KSR2: variants seen among roughly 807,000 people sequenced by gnomAD.
KSR2 encodes kinase suppressor of ras 2.
A neutral mutation model predicts 107.8 loss-of-function variants in KSR2; 25 were observed. The ratio of observed to expected loss-of-function variants is 0.23; its 90% CI spans 0.17 to 0.32. The LOEUF is 0.32. KSR2 is among the 10% of genes least tolerant of loss of function. The pLI is 1.00. For synonymous variants in KSR2, 480 were observed against 507.0 expected, an observed-to-expected ratio of 0.95 and a Z score of 0.71; for missense variants, 887 against 1,268.9, an observed-to-expected ratio of 0.70 and a Z score of 4.57.
intron 1 of KSR2, among the ~76,000 whole-genome samples, chr12:117,915,190 C>A (rs1258119785): frequency 3.9e-5 from 6 of 152,196 alleles, no homozygotes; most frequent in African/African-American, 1.4e-4. Context: ...TTATAAACAA[C>A]AGAAATTTAT....
chr12:117,511,207 T>C (rs546243274), intron 14 of KSR2, among the ~76,000 whole-genome samples: 2 of 152,392 alleles, frequency 1.3e-5, no homozygotes, highest in Admixed American at 1.3e-4. Flanking sequence ...ACTCGGCTTC[T>C]GTTTCCTGAT....
intron 3 of KSR2, 70 bp downstream of exon 3, chr12:117,855,358 G>T: frequency 6.4e-7 from 1 of 1,565,924 alleles, no homozygotes; most frequent in Non-Finnish European, 8.7e-7. Flanking sequence ...GGCGGGCACG[G>T]GATGCCGAGG....
chr12:117,903,991 T>G (rs1009226836), intron 1 of KSR2, among the ~76,000 whole-genome samples: 1 of 152,094 alleles, frequency 6.6e-6, no homozygotes, highest in African/African-American at 2.4e-5. Flanking sequence ...AGAGCAAGAC[T>G]ACATCTCAAA....
chr12:117,940,591 C>T (rs1183360634), intron 1 of KSR2, among the ~76,000 whole-genome samples: 1 of 152,118 alleles, frequency 6.6e-6, no homozygotes, highest in Non-Finnish European at 1.5e-5. Context: ...AAACCTTTTG[C>T]CACTTTTCAC....
At chr12:117,797,467 C>T (rs1890672169) in intron 3 of KSR2, among the ~76,000 whole-genome samples, 1 of 152,048 alleles carries the variant, frequency 6.6e-6, no homozygotes, top group South Asian at 2.1e-4. Flanking sequence ...AGGGTAGTTG[C>T]CAGAGACTGT....
intron 4 of KSR2, among the ~76,000 whole-genome samples, chr12:117,716,253 A>G (rs1007551522): frequency 7.9e-5 from 12 of 152,246 alleles, no homozygotes; most frequent in Non-Finnish European, 1.6e-4. Flanking sequence ...TATGCTCAAT[A>G]AATAGTTATT....
intron 1 of KSR2, among the ~76,000 whole-genome samples, chr12:117,923,542 G>A (rs1476854466): frequency 1.3e-5 from 2 of 152,130 alleles, no homozygotes; most frequent in Non-Finnish European, 2.9e-5. Flanking sequence ...GCACATGCCA[G>A]CAGTCCCAAC....
At chr12:117,675,313 C>G (rs760923611) in intron 4 of KSR2, among the ~76,000 whole-genome samples, 23 of 152,294 alleles carry the variant, frequency 1.5e-4, no homozygotes, top group Non-Finnish European at 3.1e-4. Flanking sequence ...CCACCTCAAG[C>G]AAGGACTATG....
intron 7 of KSR2, among the ~76,000 whole-genome samples, chr12:117,568,139 A>G (rs1878647783): frequency 6.6e-6 from 1 of 152,124 alleles, no homozygotes; most frequent in African/African-American, 2.4e-5. Context: ...ATAAAAGGAC[A>G]CTGTAAGGGA....
chr12:117,639,629 G>T (rs900179143), intron 5 of KSR2, among the ~76,000 whole-genome samples: 10 of 137,878 alleles, frequency 7.3e-5, no homozygotes, highest in African/African-American at 2.2e-4. Flanking sequence ...CGCACCCAGC[G>T]TATTATTATT....
At chr12:117,519,306 C>T (rs1422557421) in intron 14 of KSR2, among the ~76,000 whole-genome samples, 1 of 152,184 alleles carries the variant, frequency 6.6e-6, no homozygotes, top group East Asian at 1.9e-4. Context: ...AGGCAGTTTG[C>T]TCCAGGTGGG....
intron 5 of KSR2, among the ~76,000 whole-genome samples, chr12:117,639,800 T>C (rs373571237): frequency 2.6e-5 from 4 of 152,006 alleles, no homozygotes; most frequent in African/African-American, 9.7e-5. Context: ...ACCAGGAAGA[T>C]CAAGGGGCAT....
At chr12:117,764,127 T>A (rs369724253) in intron 3 of KSR2, among the ~76,000 whole-genome samples, 1 of 152,106 alleles carries the variant, frequency 6.6e-6, no homozygotes, top group Non-Finnish European at 1.5e-5. Context: ...TATTATATAT[T>A]CAGTACAGAA....
chr12:117,711,381 G>A (rs1276129493), intron 4 of KSR2, among the ~76,000 whole-genome samples: 1 of 152,230 alleles, frequency 6.6e-6, no homozygotes, highest in African/African-American at 2.4e-5. Context: ...CCTGAGGCAG[G>A]AAGCACTTGC....
chr12:117,788,432 T>A (rs964596871), intron 3 of KSR2, among the ~76,000 whole-genome samples: 1 of 152,210 alleles, frequency 6.6e-6, no homozygotes, highest in African/African-American at 2.4e-5. Flanking sequence ...CCCCTGGAGA[T>A]TAAAAAAGCA....
intron 14 of KSR2, among the ~76,000 whole-genome samples, chr12:117,508,693 G>T (rs761509537): frequency 6.6e-5 from 10 of 152,044 alleles, no homozygotes; most frequent in Non-Finnish European, 1.5e-4. Flanking sequence ...TAAATGGACA[G>T]GTGGATGTTA....
chr12:117,657,055 C>T (rs921963630), intron 5 of KSR2, among the ~76,000 whole-genome samples: 30 of 143,700 alleles, frequency 2.1e-4, no homozygotes, highest in Non-Finnish European at 3.3e-4. Flanking sequence ...CTGACTAATA[C>T]TGCGAAACTC....
chr12:117,782,070 C>A (rs917067766), intron 3 of KSR2, among the ~76,000 whole-genome samples: 1 of 152,128 alleles, frequency 6.6e-6, no homozygotes, highest in Non-Finnish European at 1.5e-5. Flanking sequence ...GTAGCAAATT[C>A]GAATTGTTCT....
Position 117,641,815 on chromosome 12 carries a change from C to T in KSR2, c.1171+25659G>A, listed in dbSNP as rs564613238. 5.9e-5 allele frequency among the ~76,000 whole-genome samples: 9 copies of T among 152,198 alleles called. No homozygotes were observed. In the East Asian group the frequency reaches 7.7e-4, roughly 13 times the overall value. On this transcript the variant is annotated intron_variant, in intron 5 of 19. Transcript: ENST00000339824. ...CAGCACGGTTTAGTAGCACCTGAGGCGAAGGCTTGTGAGCTTCCCTCAGGT... is the reference window on the plus strand; with the variant it reads ...CAGCACGGTTTAGTAGCACCTGAGGTGAAGGCTTGTGAGCTTCCCTCAGGT...
Sources: gnomAD v4.1 joint callset for allele counts (sites outside exome capture counted in the v4.1 genomes callset) on GRCh38, gnomAD v4.1.1 for gene constraint, MANE v1.5 for transcripts, NCBI Gene and HGNC (gene_info 2026-07-23, HGNC 2026-07-21) for gene names.